The following PTPRK variants were observed in gnomAD, a reference collection of about 807,000 sequenced individuals.
PTPRK encodes the protein protein tyrosine phosphatase receptor type K.
Under a neutral mutation model 178.0 loss-of-function variants are expected in PTPRK, and 75 were observed. The observed-to-expected ratio is 0.42, with a 90% confidence interval of 0.35 to 0.51. PTPRK has a LOEUF of 0.51. Ranked by LOEUF, PTPRK falls within the 20% of genes least tolerant of loss-of-function variation. PTPRK has a pLI of 0.02. For missense variants in PTPRK, 1,441 were observed against 1,797.8 expected (o/e 0.80, Z 3.59); for synonymous variants, 637 against 620.6 (o/e 1.03, Z -0.39).
At position 128,520,440 on chromosome 6, in the gene PTPRK, C is replaced by T; in HGVS notation, c.-82G>A. 1 of 1,388,932 alleles carries T rather than the reference C, an allele frequency of 7.2e-7. No individual in the cohort carries two copies. The highest frequency in any genetic ancestry group is 1.0e-6 in the Non-Finnish European group (1 of 1,002,630). 86.0% of individuals were successfully genotyped at this position (1,388,932 alleles called of 1,614,324 possible). A position where few individuals can be genotyped will look rare whatever the true frequency, so the allele number is the denominator to read the frequency against. ...GCGAAATCCACGACGGAGGAGCGGG[C>T]CGGGCCTCGCGGGGTGAGGACGGTG... On this transcript the variant is annotated 5_prime_UTR_variant, in exon 1 of 30. Coordinates refer to ENST00000368226, the MANE Select transcript of PTPRK (RefSeq NM_002844.4).
intron 12 of PTPRK, 174 bp downstream of exon 12, chr6:128,067,345 G>A (rs1466561067): frequency 9.4e-6 from 5 of 533,084 alleles, no homozygotes; most frequent in African/African-American, 2.0e-5. Context: ...ACTGGCGTGC[G>A]GCCTCAGCCC....
rs1583212634 is a variant in PTPRK at position 128,146,365 on chromosome 6, C to T, written c.1162+38067G>A. The stretch of plus-strand genomic sequence containing the variant: ...ATGTACTTCTTTACCTAATTTGTTG[C>T]TTGTTGGTATTGTATTTTACCATAC... On this transcript the variant is annotated intron_variant, in intron 7 of 29. Coordinates refer to ENST00000368226, the MANE Select transcript of PTPRK (RefSeq NM_002844.4). Among the ~76,000 whole-genome samples, 10 of 150,026 alleles carry T rather than the reference C, an allele frequency of 6.7e-5. No homozygotes were observed. The South Asian group carries it at 2.1e-3, about 32-fold the overall frequency.
intron 2 of PTPRK, among the ~76,000 whole-genome samples, chr6:128,393,439 A>T (rs561173215): frequency 5.3e-5 from 8 of 152,314 alleles, no homozygotes; most frequent in African/African-American, 1.7e-4. Context: ...TAAGAAATAT[A>T]CTATAAAAAT....
At chr6:128,463,730 C>G (rs1849376266) in intron 1 of PTPRK, among the ~76,000 whole-genome samples, 1 of 140,112 alleles carries the variant, frequency 7.1e-6, no homozygotes, top group Non-Finnish European at 1.5e-5. Flanking sequence ...CTATAAAAGT[C>G]AATCTTCACG....
At chr6:128,348,959 T>G (rs1346712546) in intron 2 of PTPRK, among the ~76,000 whole-genome samples, 1 of 152,084 alleles carries the variant, frequency 6.6e-6, no homozygotes, top group Non-Finnish European at 1.5e-5. Flanking sequence ...TATCTAAGAA[T>G]GTTAGTAATT....
Position 128,511,983 on chromosome 6 carries a change from C to G in PTPRK, c.100+8276G>C, listed in dbSNP as rs182191757. Among the ~76,000 whole-genome samples, 460 of 152,238 alleles carry G rather than the reference C, an allele frequency of 3.0e-3. 4 individuals are homozygous for G. The highest frequency in any genetic ancestry group is 0.01 in the Middle Eastern group (3 of 294). ...TTTTGCAATTGCTTTAGGAAAAGCTCTCTTCTCCAACATATAAGAAAATAA... is the reference window on the plus strand; with the variant it reads ...TTTTGCAATTGCTTTAGGAAAAGCTGTCTTCTCCAACATATAAGAAAATAA... On this transcript the variant is annotated intron_variant, in intron 1 of 29. Coordinates refer to ENST00000368226, the MANE Select transcript of PTPRK (RefSeq NM_002844.4).
intron 1 of PTPRK, among the ~76,000 whole-genome samples, chr6:128,437,349 A>T (rs1280407677): frequency 2.6e-5 from 4 of 152,204 alleles, no homozygotes; most frequent in Non-Finnish European, 5.9e-5. Context: ...TATATAAGCA[A>T]GCATTGTATT....
intron 1 of PTPRK, among the ~76,000 whole-genome samples, chr6:128,480,186 GTGGCTGAAAC>G (rs1241131586): frequency 1.3e-5 from 2 of 152,084 alleles, no homozygotes; most frequent in East Asian, 3.9e-4. Context: ...CAGCCTGACT[GTGGCTGAAAC>G]CCAGGAGCCA....
intron 13 of PTPRK, among the ~76,000 whole-genome samples, chr6:128,018,074 A>G (rs75923851): frequency 0.026 from 3,962 of 151,662 alleles, 185 homozygotes; most frequent in African/African-American, 0.09. Flanking sequence ...CCATAACCCA[A>G]ATAAAAATTG....
chr6:128,503,842 T>TTGTGTGTGTGTGTGTG lies in PTPRK; in HGVS notation c.100+16401_100+16416dup, dbSNP rs57723685. Among the ~76,000 whole-genome samples the TTGTGTGTGTGTGTGTG allele has an allele frequency of 4.1e-3, 579 of 139,956 alleles. 6 individuals carry two copies. The highest frequency in any genetic ancestry group is 0.013 in the African/African-American group (480 of 36,802). The allele number at this position is 139,956 out of a possible 152,430, so 91.8% of individuals were successfully genotyped here. On this transcript the variant is annotated intron_variant, in intron 1 of 29. Transcript: ENST00000368226. Reference sequence around the variant, plus strand: ...CATGCACCACTATGCCTGGTTATTATTGTGTGTGTGTGTGTGTGTGTGTGT... The same window carrying TTGTGTGTGTGTGTGTG: ...CATGCACCACTATGCCTGGTTATTATTGTGTGTGTGTGTGTGTGTGTGTGTGTGTGTGTGTGTGTGT...
intron 1 of PTPRK, among the ~76,000 whole-genome samples, chr6:128,441,460 AC>A (rs1408923255): frequency 1.3e-5 from 2 of 152,024 alleles, no homozygotes; most frequent in African/African-American, 4.8e-5. Flanking sequence ...CAAAAAAAAA[AC>A]AAAGATTAGA....
rs560941447 is a variant in PTPRK, at chr6:128,405,091, C to G, written c.101-7403G>C. ...ATATATCAACGTCTCTCAGGCATCC[C>G]TGATATCACTGACAGGAAAGGGTCT... is the stretch of plus-strand genomic sequence containing the variant. On this transcript the variant is annotated intron_variant, in intron 1 of 29. Transcript: ENST00000368226. 1.1e-3 allele frequency among the ~76,000 whole-genome samples: 160 copies of G among 152,248 alleles called. 1 individual carries two copies. The highest frequency in any genetic ancestry group is 3.8e-3 in the African/African-American group (156 of 41,538).
At position 128,192,513 on chromosome 6, in the gene PTPRK, C is replaced by T. The variant is rs528616198; in HGVS notation, c.869-7788G>A. 2.6e-5 allele frequency among the ~76,000 whole-genome samples: 4 copies of T among 152,146 alleles called. No individual in the cohort carries two copies. In the South Asian group the frequency reaches 8.3e-4, roughly 32 times the overall value. ...AATGCCCCAAAGAAAAAAAGTTACCCATGCCACCGTAAGAAAAACTTATCA... is the reference window on the plus strand; with the variant it reads ...AATGCCCCAAAGAAAAAAAGTTACCTATGCCACCGTAAGAAAAACTTATCA... On this transcript the variant is annotated intron_variant, in intron 6 of 29. Transcript: ENST00000368226.
intron 2 of PTPRK, among the ~76,000 whole-genome samples, chr6:128,371,165 A>C (rs372151410): frequency 5.3e-5 from 8 of 152,180 alleles, no homozygotes; most frequent in African/African-American, 1.9e-4. Context: ...CTCAAAAAAC[A>C]CTTTCTTTGT....
intron 3 of PTPRK, among the ~76,000 whole-genome samples, chr6:128,268,426 T>A (rs1438191228): frequency 3.3e-5 from 5 of 151,890 alleles, no homozygotes; most frequent in Admixed American, 3.3e-4. Flanking sequence ...GCAGAAAAAG[T>A]GAGAGAACCA....
intron 1 of PTPRK, among the ~76,000 whole-genome samples, chr6:128,460,346 C>T (rs1848899481): frequency 6.6e-6 from 1 of 151,938 alleles, no homozygotes; most frequent in Non-Finnish European, 1.5e-5. Flanking sequence ...GAAGTGGAGA[C>T]CAGCCTAGCA....
At chr6:128,258,224 T>C (rs1390616286) in intron 3 of PTPRK, among the ~76,000 whole-genome samples, 1 of 152,094 alleles carries the variant, frequency 6.6e-6, no homozygotes, top group Non-Finnish European at 1.5e-5. Context: ...TATAAGAAAA[T>C]AGTGATTATG....
At chr6:128,141,686 C>T (rs1418367390) in intron 7 of PTPRK, among the ~76,000 whole-genome samples, 1 of 151,816 alleles carries the variant, frequency 6.6e-6, no homozygotes, top group African/African-American at 2.4e-5. Flanking sequence ...TTTTGAGCAG[C>T]TAGAGATGTA....
chr6:128,422,149 A>G (rs577990428), intron 1 of PTPRK, among the ~76,000 whole-genome samples: 13 of 152,282 alleles, frequency 8.5e-5, no homozygotes, highest in South Asian at 8.3e-4. Flanking sequence ...TCATGCACAC[A>G]TTTTTAGCAT....
Sources: gnomAD v4.1 joint callset for allele counts (sites outside exome capture counted in the v4.1 genomes callset) on GRCh38, gnomAD v4.1.1 for gene constraint, MANE v1.5 for transcripts, NCBI Gene and HGNC (gene_info 2026-07-23, HGNC 2026-07-21) for gene names.